Variants in PDE9A observed in about 807,000 individuals in gnomAD.
The protein encoded by PDE9A is high affinity cGMP-specific 3',5'-cyclic phosphodiesterase 9A.
In PDE9A, 60 loss-of-function variants were observed where a neutral mutation model predicts 87.4. The ratio of observed to expected loss-of-function variants is 0.69; its 90% CI spans 0.56 to 0.85. The LOEUF (loss-of-function observed/expected upper bound fraction) is 0.85, where lower values mean the gene tolerates loss of function less well. PDE9A is among the 40% of genes least tolerant of loss of function. The probability of loss-of-function intolerance (pLI) is 0.00; values close to 1 mark genes in which losing one functional copy is unlikely to be tolerated. For synonymous variants in PDE9A, 272 were observed against 279.4 expected (o/e 0.97, Z 0.27); for missense variants, 665 against 779.0 (o/e 0.85, Z 1.74).
At chr21:42,754,096 A>G (rs2147022464) in intron 10 of PDE9A, 32 bp downstream of exon 10, 1 of 1,436,074 alleles carries the variant, frequency 7.0e-7, no homozygotes, top group Non-Finnish European at 9.8e-7. Flanking sequence ...ACCACGTCCC[A>G]GGGGGAGGCA....
rs1029332 is a variant in PDE9A, at chr21:42,722,869, A to G, written c.263-8901A>G. On this transcript the variant is annotated intron_variant, in intron 4 of 19. Coordinates refer to ENST00000291539, the MANE Select transcript of PDE9A (RefSeq NM_002606.3). The surrounding 1 kb of genome is among the most constrained non-coding windows in gnomAD (Gnocchi z 4.1). ...GAAATCAAATTTCATGTCATTCTGC[A>G]CTGGGTAGACTCAGGATTTGCCTGA... 0.7 allele frequency among the ~76,000 whole-genome samples: 106,583 copies of G among 152,212 alleles called. 38,835 individuals are homozygous for G. Among genetic ancestry groups the G allele is most frequent in the East Asian group, 0.94 (4,877 of 5,176 alleles).
Position 42,691,079 on chromosome 21 carries a change from A to G in PDE9A, c.218+3085A>G, listed in dbSNP as rs371513134. On this transcript the variant is annotated intron_variant, in intron 3 of 19. Transcript: ENST00000291539. ...CAGCCCCATCACCATCACCATTCAA[A>G]GTCACCCACCCCGATACCATCACCA... is the stretch of plus-strand genomic sequence containing the variant. 3.6e-3 allele frequency among the ~76,000 whole-genome samples: 547 copies of G among 149,996 alleles called. 4 individuals carry two copies. The highest frequency in any genetic ancestry group is 0.013 in the African/African-American group (520 of 40,360).
chr21:42,706,703 C>T (rs2048865760), intron 4 of PDE9A, among the ~76,000 whole-genome samples: 1 of 152,104 alleles, frequency 6.6e-6, no homozygotes, highest in East Asian at 1.9e-4. Flanking sequence ...GTTGTGCAAC[C>T]ATCACCACTA....
At chr21:42,762,313 C>T in intron 14 of PDE9A, 74 bp downstream of exon 14, 1 of 1,490,090 alleles carries the variant, frequency 6.7e-7, no homozygotes, top group Admixed American at 1.8e-5. Flanking sequence ...TCTCCATTGG[C>T]TGGAAGCTCC....
chr21:42,753,444 C>G lies in PDE9A; in HGVS notation c.736-546C>G, dbSNP rs1178560209. 3.3e-5 allele frequency among the ~76,000 whole-genome samples: 5 copies of G among 152,316 alleles called. No individual in the cohort carries two copies. The East Asian group carries it at 9.6e-4, about 29-fold the overall frequency. ...CAAGCGAGATATGGAACATTTCTGT[C>G]ACCCCAAACCCTCCCCTCTGCTCCC... On this transcript the variant is annotated intron_variant, in intron 9 of 19. Transcript: ENST00000291539.
At chr21:42,654,502 GC>G (rs1169348053) in intron 1 of PDE9A, among the ~76,000 whole-genome samples, 1 of 152,144 alleles carries the variant, frequency 6.6e-6, no homozygotes. Flanking sequence ...TTTGTTCGTG[GC>G]CCCCTCTGAC....
rs1021183989 is a variant in PDE9A at position 42,739,189 on chromosome 21, C to T, written c.569-4587C>T. On this transcript the variant is annotated intron_variant, in intron 7 of 19. Coordinates refer to ENST00000291539, the MANE Select transcript of PDE9A (RefSeq NM_002606.3). The surrounding 1 kb of genome is among the most constrained non-coding windows in gnomAD (Gnocchi z 4.1). ...GTGGTCTGTGCCCGCCTGTGTTCAG[C>T]GTTTGAAGGCAGAGGAGCGGGCCAT... Among the ~76,000 whole-genome samples, 2 of 152,312 alleles carry T rather than the reference C, an allele frequency of 1.3e-5. No homozygotes were observed. Among genetic ancestry groups the T allele is most frequent in the South Asian group, 2.1e-4 (1 of 4,826 alleles).
At chr21:42,672,332 G>A (rs1269855337) in intron 1 of PDE9A, among the ~76,000 whole-genome samples, 3 of 152,220 alleles carry the variant, frequency 2.0e-5, no homozygotes, top group African/African-American at 4.8e-5. Flanking sequence ...TCGTCTGTGG[G>A]GGAATGAAGA....
At position 42,720,454 on chromosome 21, in the gene PDE9A, A is replaced by G. The variant is rs138152843; in HGVS notation, c.263-11316A>G. 8.7e-3 allele frequency among the ~76,000 whole-genome samples: 1,321 copies of G among 152,192 alleles called. 13 individuals are homozygous for G. Among genetic ancestry groups the G allele is most frequent in the African/African-American group, 0.031 (1,269 of 41,520 alleles). ...GGTTGCGGTGAGCCGAGATCATGCCATTGCACTCCAGCCTGGGCAACAAGA... is the reference window on the plus strand; with the variant it reads ...GGTTGCGGTGAGCCGAGATCATGCCGTTGCACTCCAGCCTGGGCAACAAGA... On this transcript the variant is annotated intron_variant, in intron 4 of 19. Coordinates refer to ENST00000291539, the MANE Select transcript of PDE9A (RefSeq NM_002606.3).
At chr21:42,707,351 C>T (rs2048927600) in intron 4 of PDE9A, among the ~76,000 whole-genome samples, 1 of 152,134 alleles carries the variant, frequency 6.6e-6, no homozygotes, top group African/African-American at 2.4e-5. Context: ...ACCCCTGAGT[C>T]CCCCTACCTG....
chr21:42,736,896 T>G (rs1354391357), intron 7 of PDE9A, among the ~76,000 whole-genome samples: 1 of 152,236 alleles, frequency 6.6e-6, no homozygotes, highest in African/African-American at 2.4e-5. Flanking sequence ...GCGGATGTGC[T>G]TTAGCGGGAG....
chr21:42,769,193 T>G, intron 17 of PDE9A, 38 bp downstream of exon 17: 1 of 1,597,550 alleles, frequency 6.3e-7, no homozygotes, highest in Admixed American at 1.7e-5. Flanking sequence ...TTGCTTACAC[T>G]CAGATACATG....
intron 8 of PDE9A, among the ~76,000 whole-genome samples, chr21:42,746,868 C>G (rs1056641203): frequency 1.3e-5 from 2 of 152,316 alleles, no homozygotes; most frequent in South Asian, 2.1e-4. Flanking sequence ...CCCACAGCGC[C>G]ATAAACCAAA....
intron 8 of PDE9A, among the ~76,000 whole-genome samples, chr21:42,750,701 G>A (rs113035752): frequency 1.3e-5 from 2 of 151,980 alleles, no homozygotes; most frequent in Non-Finnish European, 2.9e-5. Context: ...TTAGCCTCCC[G>A]AGTAGCTGGG....
intron 14 of PDE9A, among the ~76,000 whole-genome samples, chr21:42,764,376 A>G (rs1265797537): frequency 6.6e-6 from 1 of 152,164 alleles, no homozygotes; most frequent in African/African-American, 2.4e-5. Context: ...TGGCTACGAT[A>G]AGCTGTGGCA....
chr21:42,657,640 TG>T (rs1028910346), intron 1 of PDE9A, among the ~76,000 whole-genome samples: 3 of 152,166 alleles, frequency 2.0e-5, no homozygotes, highest in African/African-American at 7.2e-5. Context: ...TCCCACCTGG[TG>T]GCACATCCAG....
At chr21:42,670,197 A>G (rs1601935379) in intron 1 of PDE9A, among the ~76,000 whole-genome samples, 2 of 148,330 alleles carry the variant, frequency 1.3e-5, no homozygotes, top group African/African-American at 5.2e-5. Flanking sequence ...ACACACATTC[A>G]CACACATACA....
chr21:42,713,860 G>T (rs1164663593), intron 4 of PDE9A, among the ~76,000 whole-genome samples: 2 of 149,524 alleles, frequency 1.3e-5, no homozygotes, highest in African/African-American at 4.9e-5. Context: ...CATGGGAAAT[G>T]TATCTAATTT....
intron 1 of PDE9A, among the ~76,000 whole-genome samples, chr21:42,683,791 G>A (rs1357578100): frequency 6.6e-6 from 1 of 152,174 alleles, no homozygotes. Context: ...GATTTGAGTC[G>A]GTCTTGCCAG....
Sources: allele counts gnomAD v4.1 joint callset (sites outside exome capture counted in the v4.1 genomes callset), GRCh38; gene constraint gnomAD v4.1.1; non-coding constraint Gnocchi (gnomAD v3.1); transcripts MANE v1.5; gene names NCBI Gene and HGNC (gene_info 2026-07-23, HGNC 2026-07-21).